SEPTIN9: variants seen among roughly 807,000 people sequenced by gnomAD.
The protein encoded by SEPTIN9 is septin 9.
SEPTIN9 carries 13 observed loss-of-function variants against 56.6 expected under a neutral mutation model. The observed-to-expected ratio is 0.23, with a 90% CI of 0.15 to 0.37. The LOEUF is 0.37. SEPTIN9 is among the 10% of genes least tolerant of loss of function. The probability of loss-of-function intolerance (pLI) is 1.00; values close to 1 mark genes in which losing one functional copy is unlikely to be tolerated. For missense variants in SEPTIN9, 650 were observed against 823.1 expected (o/e 0.79, Z 2.57); for synonymous variants, 332 against 334.1 (o/e 0.99, Z 0.07).
intron 3 of SEPTIN9, chr17:77,469,809 CCATCCACCCATCCACT>C (rs1445000692): frequency 6.6e-6 from 1 of 150,550 alleles, no homozygotes; most frequent in Non-Finnish European, 1.5e-5. Flanking sequence ...ACGCACCCAC[CCATCCACCCATCCACT>C]CATCCACCTG....
At chr17:77,426,041 G>T (rs1349476187) in intron 3 of SEPTIN9, among the ~76,000 whole-genome samples, 1 of 152,130 alleles carries the variant, frequency 6.6e-6, no homozygotes, top group Non-Finnish European at 1.5e-5. Flanking sequence ...CCAGCCTCAG[G>T]AGGAGGCCTC....
intron 2 of SEPTIN9, among the ~76,000 whole-genome samples, chr17:77,324,819 ATT>A (rs71160225): frequency 7.7e-6 from 1 of 130,320 alleles, no homozygotes; most frequent in Non-Finnish European, 1.6e-5. Flanking sequence ...TTGATATGCA[ATT>A]TTTTTTTTTT....
rs896904675 is a variant in SEPTIN9, at chr17:77,429,243, G to A, written c.721+26540G>A. ...GAGGAAATTGCAGGTGGAGAAGCTC[G>A]TTGACCGTGACCTTGATCTGACCGT... On this transcript the variant is annotated intron_variant, in intron 3 of 11. Transcript: ENST00000427177. This position sits in a 1 kb window ranked among gnomAD's most constrained non-coding sequence, Gnocchi z 5.2. The A allele has an allele frequency of 2.8e-5, 13 of 470,942 alleles. No homozygotes were observed. The highest frequency in any genetic ancestry group is 8.0e-5 in the African/African-American group (4 of 50,094). 29.2% of individuals were successfully genotyped at this position (470,942 alleles called of 1,614,324 possible). A position where few individuals can be genotyped will look rare whatever the true frequency, so the allele number is the denominator to read the frequency against.
At position 77,306,102 on chromosome 17, in the gene SEPTIN9, A is replaced by G. The variant is rs1003297222; in HGVS notation, c.20-1039A>G. ...ATGGGGTCCATGGGTGAATGGATGG[A>G]TGGATGGGTGAATGGAGTAAATGAG... is the stretch of plus-strand genomic sequence containing the variant. On this transcript the variant is annotated intron_variant, in intron 1 of 11. Coordinates refer to ENST00000427177, the MANE Select transcript of SEPTIN9 (RefSeq NM_001113491.2). Among the ~76,000 whole-genome samples the G allele has an allele frequency of 8.6e-5, 13 of 151,616 alleles. No homozygotes were observed. In the East Asian group the frequency reaches 2.5e-3, roughly 29 times the overall value.
intron 1 of SEPTIN9, among the ~76,000 whole-genome samples, chr17:77,291,133 T>A (rs1263223909): frequency 5.3e-5 from 8 of 149,730 alleles, no homozygotes; most frequent in East Asian, 2.1e-4. Flanking sequence ...GCTCCTGGAT[T>A]AAAGCAATTC....
intron 2 of SEPTIN9, among the ~76,000 whole-genome samples, chr17:77,361,714 G>T (rs2034423127): frequency 6.6e-6 from 1 of 151,800 alleles, no homozygotes; most frequent in Admixed American, 6.6e-5. Context: ...CTCACTGCAA[G>T]CTCCGCCTCC....
chr17:77,486,549 G>T (rs992131201), intron 4 of SEPTIN9, among the ~76,000 whole-genome samples: 1 of 147,902 alleles, frequency 6.8e-6, no homozygotes, highest in Non-Finnish European at 1.5e-5. Context: ...TGTTATATGT[G>T]ATTTGTTTGT....
chr17:77,390,642 G>A (rs1392162913), intron 2 of SEPTIN9, among the ~76,000 whole-genome samples: 9 of 151,806 alleles, frequency 5.9e-5, no homozygotes, highest in African/African-American at 9.7e-5. Flanking sequence ...TAGTAGAGAC[G>A]GGGTTTCACT....
Position 77,497,345 on chromosome 17 carries a change from A to T in SEPTIN9, c.1604A>T (p.Tyr535Phe). Residue 535 changes from tyrosine (Y) to phenylalanine (F), a missense_variant, in exon 11 of 12, where the codon TAC becomes TTC. Physicochemically the swap from Tyr to Phe is conservative, Grantham distance 22 (BLOSUM62 3). Coordinates refer to ENST00000427177, the MANE Select transcript of SEPTIN9 (RefSeq NM_001113491.2). ...AACACCACACACTGTGAGTTTGCCT[A>T]CCTGCGGGACCTTCTCATCAGGTGA... Reference protein sequence around the residue: ...VENTTHCEFAYLRDLLIRTHM... With the variant: ...VENTTHCEFAFLRDLLIRTHM... 6.2e-7 allele frequency: 1 copy of T among 1,613,756 alleles called. No homozygotes were observed. The highest frequency in any genetic ancestry group is 8.5e-7 in the Non-Finnish European group (1 of 1,179,794).
rs2032510249 is a variant in SEPTIN9 at position 77,311,931 on chromosome 17, C to T, written c.76+4734C>T. Among the ~76,000 whole-genome samples, 7 of 152,272 alleles carry T rather than the reference C, an allele frequency of 4.6e-5. No homozygotes were observed. The South Asian group carries it at 1.5e-3, about 32-fold the overall frequency. ...CTCTCACCCATAGCTACCCACTCTT[C>T]CTCTATTTCTCTGATATCAGCCTTG... is the stretch of plus-strand genomic sequence containing the variant. On this transcript the variant is annotated intron_variant, in intron 2 of 11. Coordinates refer to ENST00000427177, the MANE Select transcript of SEPTIN9 (RefSeq NM_001113491.2).
At chr17:77,486,799 A>T (rs1224399758) in intron 4 of SEPTIN9, among the ~76,000 whole-genome samples, 2 of 152,174 alleles carry the variant, frequency 1.3e-5, no homozygotes, top group East Asian at 3.9e-4. Context: ...ACCACCCTGC[A>T]GGCCAGCGCC....
rs562811871 is a variant in SEPTIN9, at chr17:77,402,691, C to G, written c.709C>G (p.Arg237Gly). 17 of 1,589,028 alleles carry G rather than the reference C, an allele frequency of 1.1e-5. No homozygotes were observed. The highest frequency in any genetic ancestry group is 1.5e-5 in the Non-Finnish European group (17 of 1,167,956). Residue 237 changes from arginine to glycine, a missense_variant, in exon 3 of 12, where the codon CGG (arginine) becomes GGG (glycine). Transcript: ENST00000427177. This position sits in a 1 kb window ranked among gnomAD's most constrained non-coding sequence, Gnocchi z 6.6. ...PQPPVAEATPRSQEATEAAPS... is the reference protein window; with the variant it reads ...PQPPVAEATPGSQEATEAAPS... ...GCCCCCTGTGGCTGAGGCTACACCC[C>G]GGAGCCAGGAGGGTGAGTCGCAGAG...
intron 2 of SEPTIN9, among the ~76,000 whole-genome samples, chr17:77,391,404 A>C (rs368411557): frequency 6.6e-6 from 1 of 151,990 alleles, no homozygotes; most frequent in Admixed American, 6.6e-5. Context: ...CAGACGCATC[A>C]CCATCATCTC....
At chr17:77,315,169 C>T (rs1343264117) in intron 2 of SEPTIN9, among the ~76,000 whole-genome samples, 1 of 152,070 alleles carries the variant, frequency 6.6e-6, no homozygotes, top group African/African-American at 2.4e-5. Context: ...TGTTCTGGGG[C>T]AAGGACAGGA....
At chr17:77,477,156 C>T (rs1225018863) in intron 3 of SEPTIN9, among the ~76,000 whole-genome samples, 1 of 151,370 alleles carries the variant, frequency 6.6e-6, no homozygotes, top group East Asian at 1.9e-4. Flanking sequence ...CCTCTCCCGT[C>T]CTCATGGGGA....
At chr17:77,355,500 G>T (rs1353464349) in intron 2 of SEPTIN9, among the ~76,000 whole-genome samples, 1 of 152,166 alleles carries the variant, frequency 6.6e-6, no homozygotes, top group Non-Finnish European at 1.5e-5. Context: ...CACTGCTGTG[G>T]CTGTTCCCTT....
At chr17:77,382,873 C>T (rs560577717) in intron 2 of SEPTIN9, among the ~76,000 whole-genome samples, 96 of 152,094 alleles carry the variant, frequency 6.3e-4, no homozygotes, top group African/African-American at 2.3e-3. Flanking sequence ...CCCTCCCTAG[C>T]CCCGCTGCCC....
Position 77,405,114 on chromosome 17 carries a change from G to T in SEPTIN9, c.721+2411G>T. 6.5e-7 allele frequency: 1 copy of T among 1,535,526 alleles called. No individual in the cohort carries two copies. The highest frequency in any genetic ancestry group is 1.2e-5 in the South Asian group (1 of 84,042). ...GTGATGGCTGGTGCTGGATGCACAG[G>T]GACGTGGTCCTGGCTCTGGGGGACA... On this transcript the variant is annotated intron_variant, in intron 3 of 11. Coordinates refer to ENST00000427177, the MANE Select transcript of SEPTIN9 (RefSeq NM_001113491.2). The surrounding 1 kb of genome is among the most constrained non-coding windows in gnomAD (Gnocchi z 5.8).
At chr17:77,454,144 C>T (rs1568081451) in intron 3 of SEPTIN9, 1 of 985,796 alleles carries the variant, frequency 1.0e-6, no homozygotes, top group African/African-American at 1.7e-5. Context: ...CGGCCCCTCT[C>T]TGCAGCCCTC....
Sources: allele counts gnomAD v4.1 joint callset (sites outside exome capture counted in the v4.1 genomes callset), GRCh38; gene constraint gnomAD v4.1.1; non-coding constraint Gnocchi (gnomAD v3.1); transcripts MANE v1.5; gene names NCBI Gene and HGNC (gene_info 2026-07-23, HGNC 2026-07-21).